The following MCPH1 variants were observed in gnomAD, a reference collection of about 807,000 sequenced individuals.
MCPH1 encodes microcephalin.
MCPH1 carries 104 observed loss-of-function variants against 84.5 expected under a neutral mutation model. The ratio of observed to expected loss-of-function variants is 1.23; its 90% CI spans 1.05 to 1.45. The LOEUF (loss-of-function observed/expected upper bound fraction) is 1.45, where lower values mean the gene tolerates loss of function less well. MCPH1 is among the 40% of genes most tolerant of loss of function. The pLI, the probability that MCPH1 is intolerant of heterozygous loss-of-function variation, is 0.00. For synonymous variants in MCPH1, 514 were observed against 366.8 expected (o/e 1.40, Z -4.58); for missense variants, 1,498 against 1,005.7 (o/e 1.49, Z -6.62).
At chr8:6,636,002 G>C (rs997227210) in intron 13 of MCPH1, among the ~76,000 whole-genome samples, 1 of 152,218 alleles carries the variant, frequency 6.6e-6, no homozygotes, top group Non-Finnish European at 1.5e-5. Flanking sequence ...GTACTTATGT[G>C]TGAATAAGTG....
intron 12 of MCPH1, among the ~76,000 whole-genome samples, chr8:6,512,687 A>C (rs544546702): frequency 6.6e-6 from 1 of 152,178 alleles, no homozygotes; most frequent in Non-Finnish European, 1.5e-5. Context: ...TATCTTGCAC[A>C]CTAGGTTGTC....
chr8:6,594,076 A>G (rs1828731124), intron 12 of MCPH1, among the ~76,000 whole-genome samples: 1 of 152,014 alleles, frequency 6.6e-6, no homozygotes, highest in Non-Finnish European at 1.5e-5. Flanking sequence ...TGGTGTTTTG[A>G]CAGCTGGCTG....
chr8:6,519,816 T>C (rs939495421), intron 12 of MCPH1: 1 of 1,599,358 alleles, frequency 6.3e-7, no homozygotes. Context: ...CTCACTAAAG[T>C]GGCCTGCCTA....
chr8:6,492,208 T>G (rs545475872), intron 11 of MCPH1, among the ~76,000 whole-genome samples: 324 of 152,360 alleles, frequency 2.1e-3, no homozygotes, highest in Non-Finnish European at 3.7e-3. Context: ...GGTTTTAATT[T>G]GCATTTCTCT....
intron 13 of MCPH1, 64 bp from the exon 14 acceptor site, chr8:6,642,930 G>A: frequency 2.1e-6 from 3 of 1,456,168 alleles, no homozygotes; most frequent in South Asian, 2.3e-5. Context: ...TATACAAACA[G>A]GTTATCACTT....
At chr8:6,642,895 T>C in intron 13 of MCPH1, 99 bp from the exon 14 acceptor site, 1 of 1,128,094 alleles carries the variant, frequency 8.9e-7, no homozygotes, top group Non-Finnish European at 1.3e-6. Flanking sequence ...TCTTGGCTAT[T>C]TGTTTTTAAA....
intron 11 of MCPH1, among the ~76,000 whole-genome samples, chr8:6,493,368 T>A (rs1186653355): frequency 6.6e-6 from 1 of 152,220 alleles, no homozygotes; most frequent in Non-Finnish European, 1.5e-5. Context: ...GTGAGCTTTT[T>A]CATAAGAATA....
chr8:6,619,505 G>A (rs1223684180), intron 12 of MCPH1, among the ~76,000 whole-genome samples: 24 of 152,054 alleles, frequency 1.6e-4, no homozygotes, highest in Admixed American at 1.2e-3. Flanking sequence ...TGGTCAGACC[G>A]GTCTCGAACT....
At chr8:6,449,650 A>T (rs541720098) in intron 8 of MCPH1, among the ~76,000 whole-genome samples, 22 of 152,102 alleles carry the variant, frequency 1.4e-4, no homozygotes, top group African/African-American at 5.1e-4. Flanking sequence ...AAAAAAAAAA[A>T]AAGAAATAGG....
intron 3 of MCPH1, among the ~76,000 whole-genome samples, chr8:6,429,873 C>G (rs149784921): frequency 3.0e-4 from 45 of 152,292 alleles, no homozygotes; most frequent in African/African-American, 1.1e-3. Context: ...ACACCTGTCC[C>G]CATGCCCCAG....
intron 12 of MCPH1, among the ~76,000 whole-genome samples, chr8:6,586,040 A>C (rs2959780): frequency 0.5 from 76,265 of 152,106 alleles, 19,302 homozygotes; most frequent in Admixed American, 0.6. Flanking sequence ...GGCTCACTGC[A>C]GCCTTGACCT....
At chr8:6,532,637 A>G (rs1393828350) in intron 12 of MCPH1, 1 of 617,120 alleles carries the variant, frequency 1.6e-6, no homozygotes, top group East Asian at 3.3e-5. Flanking sequence ...GAATCTTACT[A>G]TTTTTTTTTA....
In MCPH1 at chr8:6,447,594, A is replaced by G. The variant is rs560323979; in HGVS notation, c.1825+2047A>G. On this transcript the variant is annotated intron_variant, in intron 8 of 13. Coordinates refer to ENST00000344683, the MANE Select transcript of MCPH1 (RefSeq NM_024596.5). ...AGACATAGTCTCGCACTTGACGCCCAGGTTGGAGTGCAGTGGCACAATCTC... is the reference window on the plus strand; with the variant it reads ...AGACATAGTCTCGCACTTGACGCCCGGGTTGGAGTGCAGTGGCACAATCTC... 7.2e-5 allele frequency among the ~76,000 whole-genome samples: 11 copies of G among 152,320 alleles called. No homozygotes were observed. In the South Asian group the frequency reaches 1.0e-3, roughly 14 times the overall value.
intron 2 of MCPH1, among the ~76,000 whole-genome samples, chr8:6,412,892 A>G (rs1798735999): frequency 1.3e-5 from 2 of 152,242 alleles, no homozygotes; most frequent in Non-Finnish European, 2.9e-5. Flanking sequence ...GTGCCATGAA[A>G]TTCACAATGA....
chr8:6,621,716 T>C, intron 13 of MCPH1, 25 bp downstream of exon 13: 1 of 1,613,894 alleles, frequency 6.2e-7, no homozygotes, highest in South Asian at 1.1e-5. Flanking sequence ...ACACAGACGC[T>C]GTGGTGTGGT....
At chr8:6,449,451 T>C (rs1221807054) in intron 8 of MCPH1, among the ~76,000 whole-genome samples, 1 of 152,104 alleles carries the variant, frequency 6.6e-6, no homozygotes, top group Non-Finnish European at 1.5e-5. Context: ...CTGACCAACA[T>C]AGTGAAACCC....
rs78305701 is a variant in MCPH1 at position 6,587,131 on chromosome 8, C to T, written c.2215-34323C>T. The stretch of plus-strand genomic sequence containing the variant: ...TTGACTTGGCCTGAGTATGCGTGCA[C>T]GTCTCTGGTGGTCTGAATTATATAG... On this transcript the variant is annotated intron_variant, in intron 12 of 13. Transcript: ENST00000344683. 0.027 allele frequency among the ~76,000 whole-genome samples: 4,179 copies of T among 152,084 alleles called. 356 individuals carry two copies. In the East Asian group the frequency reaches 0.33, roughly 12 times the overall value.
intron 12 of MCPH1, chr8:6,520,050 T>C: frequency 2.5e-6 from 4 of 1,582,768 alleles, no homozygotes; most frequent in Non-Finnish European, 3.5e-6. Context: ...AAAGACTTGT[T>C]ATTTCAAGAG....
intron 13 of MCPH1, among the ~76,000 whole-genome samples, chr8:6,640,600 T>C (rs932429387): frequency 6.6e-6 from 1 of 152,208 alleles, no homozygotes; most frequent in African/African-American, 2.4e-5. Context: ...CATTAAACTT[T>C]TGTTGTGTTA....
Sources: gnomAD v4.1 joint callset for allele counts (sites outside exome capture counted in the v4.1 genomes callset) on GRCh38, gnomAD v4.1.1 for gene constraint, MANE v1.5 for transcripts, NCBI Gene and HGNC (gene_info 2026-07-23, HGNC 2026-07-21) for gene names.